PITPNM1: variants seen among roughly 807,000 people sequenced by gnomAD.
PITPNM1 encodes the protein membrane-associated phosphatidylinositol transfer protein 1.
PITPNM1 carries 74 observed loss-of-function variants against 133.3 expected under a neutral mutation model. The observed-to-expected ratio is 0.56, with a 90% CI of 0.46 to 0.67. The LOEUF (loss-of-function observed/expected upper bound fraction) is 0.67. Ranked by LOEUF, PITPNM1 falls within the 30% of genes least tolerant of loss-of-function variation. PITPNM1 has a pLI of 0.00. For missense variants in PITPNM1, 1,398 were observed against 1,739.5 expected, an observed-to-expected ratio of 0.80 and a Z score of 3.49; for synonymous variants, 738 against 741.4, an observed-to-expected ratio of 1.00 and a Z score of 0.08.
At chr11:67,495,369 C>A in intron 16 of PITPNM1, 69 bp downstream of exon 16, 1 of 1,458,356 alleles carries the variant, frequency 6.9e-7, no homozygotes, top group Admixed American at 2.6e-5. Flanking sequence ...GGTTTCTCAG[C>A]TGGGCTTCGG....
Position 67,495,235 on chromosome 11 carries a change from C to A in PITPNM1, c.2483-10G>T, listed in dbSNP as rs750484856. 6 of 1,574,508 alleles carry A rather than the reference C, an allele frequency of 3.8e-6. No individual in the cohort carries two copies. Among genetic ancestry groups the A allele is most frequent in the Non-Finnish European group, 5.2e-6 (6 of 1,156,064 alleles). On this transcript the variant is annotated splice_polypyrimidine_tract_variant and intron_variant, in intron 16 of 23. Coordinates refer to ENST00000356404, the MANE Select transcript of PITPNM1 (RefSeq NM_004910.3). ...CACCAGCGCTCCAGGACTGCGCGGCCATGGCAGCGAGTCAGGATGGCCTCC... is the reference window on the plus strand; with the variant it reads ...CACCAGCGCTCCAGGACTGCGCGGCAATGGCAGCGAGTCAGGATGGCCTCC...
At position 67,498,103 on chromosome 11, in the gene PITPNM1, G is replaced by T; in HGVS notation, c.1674+30C>A. The T allele has an allele frequency of 6.2e-7, 1 of 1,610,268 alleles. No individual in the cohort carries two copies. Among genetic ancestry groups the T allele is most frequent in the Non-Finnish European group, 8.5e-7 (1 of 1,179,248 alleles). On this transcript the variant is annotated intron_variant, in intron 11 of 23. Coordinates refer to ENST00000356404, the MANE Select transcript of PITPNM1 (RefSeq NM_004910.3). This position sits in a 1 kb window ranked among gnomAD's most constrained non-coding sequence, Gnocchi z 5.7. ...ACTACAGTGGGGGCTGCAGTGGAGG[G>T]CAGCAGATGGACTGTCCCTAACCGC...
Position 67,504,183 on chromosome 11 carries a change from T to C in PITPNM1, c.-3A>G, listed in dbSNP as rs1319537822. 1.9e-6 allele frequency: 3 copies of C among 1,600,054 alleles called. No individual in the cohort carries two copies. The highest frequency in any genetic ancestry group is 2.3e-5 in the East Asian group (1 of 43,692). ...ATGTGGTATTCCTTGATGAGCATCCTGAAGGCGCTCGGCGGGCCGCGCGCG... is the reference window on the plus strand; with the variant it reads ...ATGTGGTATTCCTTGATGAGCATCCCGAAGGCGCTCGGCGGGCCGCGCGCG... On this transcript the variant is annotated 5_prime_UTR_variant, in exon 2 of 24. Transcript: ENST00000356404. The surrounding 1 kb of genome is among the most constrained non-coding windows in gnomAD (Gnocchi z 5.4).
chr11:67,495,569 A>C lies in PITPNM1; in HGVS notation c.2351T>G (p.Leu784Arg). Residue 784 changes from leucine (L) to arginine (R), a missense_variant, in exon 16 of 24, where the codon CTG becomes CGG. Physicochemically the swap from Leu to Arg is moderately radical, Grantham distance 102. Transcript: ENST00000356404. ...GGGCACCAGCATCTCCAGCTCCTCC[A>C]GAAAGAGGCTGGAGTGCGTCTGCAG... ...DTLQTHSSLF[L>R]EELEMLVPST... 1 of 1,586,744 alleles carries C rather than the reference A, an allele frequency of 6.3e-7. No homozygotes were observed. The highest frequency in any genetic ancestry group is 8.5e-7 in the Non-Finnish European group (1 of 1,170,210).
Position 67,498,108 on chromosome 11 carries a change from A to T in PITPNM1, c.1674+25T>A. On this transcript the variant is annotated intron_variant, in intron 11 of 23. Transcript: ENST00000356404. This position sits in a 1 kb window ranked among gnomAD's most constrained non-coding sequence, Gnocchi z 5.7. ...AGTGGGGGCTGCAGTGGAGGGCAGCAGATGGACTGTCCCTAACCGCTGACC... is the reference window on the plus strand; with the variant it reads ...AGTGGGGGCTGCAGTGGAGGGCAGCTGATGGACTGTCCCTAACCGCTGACC... 6.2e-7 allele frequency: 1 copy of T among 1,611,142 alleles called. No individual in the cohort carries two copies. Among genetic ancestry groups the T allele is most frequent in the South Asian group, 1.1e-5 (1 of 91,042 alleles).
At chr11:67,501,644 T>A (rs1866323548) in intron 5 of PITPNM1, among the ~76,000 whole-genome samples, 1 of 152,206 alleles carries the variant, frequency 6.6e-6, no homozygotes, top group Non-Finnish European at 1.5e-5. Flanking sequence ...TTTCTGAATG[T>A]CAGAGCCAGT....
chr11:67,502,542 T>G lies in PITPNM1; in HGVS notation c.255A>C (p.Glu85Asp). The G allele has an allele frequency of 6.2e-7, 1 of 1,613,746 alleles. No individual in the cohort carries two copies. Among genetic ancestry groups the G allele is most frequent in the Non-Finnish European group, 8.5e-7 (1 of 1,180,004 alleles). ...ALLPKAALQV[E>D]EESWNAYPYT... is the part of the protein sequence containing the mutation. ...AGGGGTAGGCATTCCAGGATTCCTC[T>G]TCTACCTGCAGGGCAGCCTTGGGCA... is the stretch of plus-strand genomic sequence containing the variant. The change falls in exon 3 of 24, where the codon GAA becomes GAC. Residue 85 changes from glutamate to aspartate, a missense_variant. Glu to Asp is a conservative substitution (Grantham distance 45, BLOSUM62 2). This residue lies in a region of PITPNM1 where 274 missense variants were observed against 360.7 expected (regional missense o/e 0.76). Transcript: ENST00000356404. This position sits in a 1 kb window ranked among gnomAD's most constrained non-coding sequence, Gnocchi z 5.9.
In PITPNM1 at chr11:67,498,073, G is replaced by A; in HGVS notation, c.1675-49C>T. On this transcript the variant is annotated intron_variant, in intron 11 of 23. Coordinates refer to ENST00000356404, the MANE Select transcript of PITPNM1 (RefSeq NM_004910.3). This position sits in a 1 kb window ranked among gnomAD's most constrained non-coding sequence, Gnocchi z 5.7. ...CAGGAGAGGCCTTGTCCTCACCCAG[G>A]CCAGACTACAGTGGGGGCTGCAGTG... 1 of 1,607,984 alleles carries A rather than the reference G, an allele frequency of 6.2e-7. No individual in the cohort carries two copies.
At chr11:67,505,468 A>C (rs916338177), upstream of PITPNM1, 5 of 152,200 alleles carry the variant, frequency 3.3e-5, no homozygotes, top group African/African-American at 1.2e-4. The surrounding 1 kb of genome is among the most constrained non-coding windows in gnomAD (Gnocchi z 5.8). Flanking sequence ...CCCCGCCTGC[A>C]GCGGAGGAGG....
At chr11:67,499,576 T>TCCATCCAA in intron 8 of PITPNM1, 147 bp downstream of exon 8, 1 of 165,252 alleles carries the variant, frequency 6.1e-6, no homozygotes, top group African/African-American at 9.8e-5. Context: ...CATCCATCCA[T>TCCATCCAA]CCATCCATCC....
At chr11:67,496,642 A>T in intron 14 of PITPNM1, 1 of 395,998 alleles carries the variant, frequency 2.5e-6, no homozygotes, top group Non-Finnish European at 4.5e-6. Context: ...TCCATTAAAA[A>T]TACAAAAATT....
Position 67,492,058 on chromosome 11 carries a change from C to G in PITPNM1, c.3710G>C (p.Ser1237Thr). ...TCACTCCTCGCTGTCCAGCTTCAGG[C>G]TGATGCTCCGTGCTTTGCCCCGTGC... ...TLARGKARSI[S>T]LKLDSEE The change falls in exon 24 of 24, where the codon AGC (serine) becomes ACC (threonine). Residue 1237 changes from serine to threonine, a missense_variant. Around this residue, in one of 5 missense-constraint regions of PITPNM1, gnomAD observed 122 missense variants for 123.3 expected, o/e 0.99. Coordinates refer to ENST00000356404, the MANE Select transcript of PITPNM1 (RefSeq NM_004910.3). The G allele has an allele frequency of 1.2e-6, 2 of 1,612,496 alleles. No homozygotes were observed. The highest frequency in any genetic ancestry group is 1.3e-5 in the African/African-American group (1 of 75,046).
chr11:67,496,258 G>A lies in PITPNM1; in HGVS notation c.2237C>T (p.Pro746Leu), dbSNP rs762099115. The change falls in exon 15 of 24, where the codon CCG (proline) becomes CTG (leucine). Residue 746 changes from proline to leucine, a missense_variant. Physicochemically the swap from Pro to Leu is moderately conservative, Grantham distance 98. Around this residue, in one of 5 missense-constraint regions of PITPNM1, gnomAD observed 574 missense variants for 698.7 expected, o/e 0.82. Transcript: ENST00000356404. ...CAGTGGGGCGATGGCCTGGAACTTC[G>A]GGGCCAGCAGGGGCTCGAGGCGTGA... Reference protein sequence around the residue: ...CASRLEPLLAPKFQAIAPLTV... With the variant: ...CASRLEPLLALKFQAIAPLTV... 1.5e-5 allele frequency: 24 copies of A among 1,558,926 alleles called. No individual in the cohort carries two copies. The highest frequency in any genetic ancestry group is 3.4e-4 in the Middle Eastern group (2 of 5,878).
intron 22 of PITPNM1, 92 bp downstream of exon 22, chr11:67,493,318 T>C (rs2134268894): frequency 7.5e-7 from 1 of 1,333,636 alleles, no homozygotes; most frequent in African/African-American, 1.5e-5. Flanking sequence ...CCGATCCAGT[T>C]GGGAACAGAT....
chr11:67,498,942 CTG>C lies in PITPNM1; in HGVS notation c.1229_1230del (p.Ser410Ter). ...IEDGAQAPRDSEGLDGAGELG... is the reference protein window; with the variant it reads ...IEDGAQAPRDXEGLDGAGELG... ...ATGGGGTGGCTGACCATACTCGCCT[CTG>C]AGTCCCTGGGTGCTTGGGCCCCATC... On this transcript the variant is annotated frameshift_variant, in exon 9 of 24. Transcript: ENST00000356404. LOFTEE classifies it high-confidence loss of function. The surrounding 1 kb of genome is among the most constrained non-coding windows in gnomAD (Gnocchi z 5.7). 6.2e-7 allele frequency: 1 copy of C among 1,612,862 alleles called. No homozygotes were observed. Among genetic ancestry groups the C allele is most frequent in the Non-Finnish European group, 8.5e-7 (1 of 1,179,672 alleles).
In PITPNM1 at chr11:67,491,937, TG is replaced by T; in HGVS notation, c.*95del. ...GGTGTGGGGCTGGGGGGGCCAGCGCTGGGGCCAAAAGTCTGGGTCCCCAGCC... is the reference window on the plus strand; with the variant it reads ...GGTGTGGGGCTGGGGGGGCCAGCGCTGGGCCAAAAGTCTGGGTCCCCAGCC... On this transcript the variant is annotated 3_prime_UTR_variant, in exon 24 of 24. Coordinates refer to ENST00000356404, the MANE Select transcript of PITPNM1 (RefSeq NM_004910.3). 1 of 1,410,956 alleles carries T rather than the reference TG, an allele frequency of 7.1e-7. No homozygotes were observed. The highest frequency in any genetic ancestry group is 9.6e-7 in the Non-Finnish European group (1 of 1,037,330). The allele number at this position is 1,410,956 out of a possible 1,614,324, so 87.4% of individuals were successfully genotyped here.
chr11:67,494,211 T>C (rs1345044901), intron 19 of PITPNM1, 33 bp downstream of exon 19: 1 of 1,596,464 alleles, frequency 6.3e-7, no homozygotes, highest in Non-Finnish European at 8.6e-7. Flanking sequence ...GATGGGGCCA[T>C]GGGACCAGGC....
At chr11:67,494,174 G>A in intron 19 of PITPNM1, 70 bp downstream of exon 19, 3 of 1,579,786 alleles carry the variant, frequency 1.9e-6, no homozygotes, top group Non-Finnish European at 1.7e-6. Flanking sequence ...CAACCACCAG[G>A]GACCAGGAGC....
At chr11:67,503,151 G>A (rs1454216243) in intron 2 of PITPNM1, among the ~76,000 whole-genome samples, 1 of 152,240 alleles carries the variant, frequency 6.6e-6, no homozygotes, top group African/African-American at 2.4e-5. Flanking sequence ...GGTGATGAGG[G>A]TTGGGGGCTG....
Sources: gnomAD v4.1 joint callset for allele counts (sites outside exome capture counted in the v4.1 genomes callset) on GRCh38, gnomAD v4.1.1 for gene constraint, gnomAD v4.1.1 regional missense constraint, Gnocchi (gnomAD v3.1) non-coding constraint, MANE v1.5 for transcripts, NCBI Gene and HGNC (gene_info 2026-07-23, HGNC 2026-07-21) for gene names.